The following GLB1L3 variants were observed in gnomAD, a reference collection of about 807,000 sequenced individuals.
The protein encoded by GLB1L3 is galactosidase beta 1 like 3, also known as beta-galactosidase-1-like protein 3.
GLB1L3 carries 89 observed loss-of-function variants against 89.5 expected under a neutral mutation model. The observed-to-expected ratio is 0.99, with a 90% CI of 0.84 to 1.19. GLB1L3 has a LOEUF of 1.19. Among genes scored for constraint, GLB1L3 ranks in the 50% most tolerant of loss-of-function variants. The pLI is 0.00. For synonymous variants in GLB1L3, 314 were observed against 312.3 expected, an observed-to-expected ratio of 1.01 and a Z score of -0.06; for missense variants, 812 against 813.3, an observed-to-expected ratio of 1.00 and a Z score of 0.02.
At chr11:134,292,349 C>T (rs948321302) in intron 8 of GLB1L3, 136 bp downstream of exon 8, 49 of 619,522 alleles carry the variant, frequency 7.9e-5, no homozygotes, top group Admixed American at 5.0e-4. Context: ...TCCTGGAGTT[C>T]GATGTTACAA....
intron 9 of GLB1L3, among the ~76,000 whole-genome samples, chr11:134,303,181 T>A (rs2136184634): frequency 6.6e-6 from 1 of 152,348 alleles, no homozygotes; most frequent in Middle Eastern, 3.4e-3. Flanking sequence ...TATTTGAATG[T>A]GTATCATTTT....
chr11:134,282,597 A>G (rs1239822089), intron 5 of GLB1L3, among the ~76,000 whole-genome samples: 1 of 152,148 alleles, frequency 6.6e-6, no homozygotes, highest in African/African-American at 2.4e-5. Flanking sequence ...TTGCCTTTCC[A>G]TGCAGTGAGA....
chr11:134,318,134 C>T (rs1943058582), intron 18 of GLB1L3, among the ~76,000 whole-genome samples: 5 of 152,126 alleles, frequency 3.3e-5, no homozygotes, highest in Admixed American at 2.6e-4. Flanking sequence ...ATTTCAGAGA[C>T]TCCAATTTTA....
At chr11:134,324,869 TTTA>T in the GLB1L3 span, among the ~76,000 whole-genome samples, 1 of 152,020 alleles carries the variant, frequency 6.6e-6, no homozygotes, top group African/African-American at 2.4e-5. Context: ...TAACATAATC[TTTA>T]TTGTGTTAAT....
chr11:134,309,660 T>C lies in GLB1L3; in HGVS notation c.996T>C (p.Tyr332=). 2 of 1,609,694 alleles carry C rather than the reference T, an allele frequency of 1.2e-6. No homozygotes were observed. The highest frequency in any genetic ancestry group is 1.7e-6 in the Non-Finnish European group (2 of 1,177,156). Residue 332 remains tyrosine (Y), a synonymous_variant, in exon 11 of 20, where the codon TAT becomes TAC. Coordinates refer to ENST00000431683, the MANE Select transcript of GLB1L3 (RefSeq NM_001080407.3). The part of the protein sequence containing the change: ...VEHAVSEFIK[Y]EISFNVYMFH... ...ATGCTGTGTCTGAATTCATCAAATATGAGATCTCCTTCAATGTATATATGT... is the reference window on the plus strand; with the variant it reads ...ATGCTGTGTCTGAATTCATCAAATACGAGATCTCCTTCAATGTATATATGT...
chr11:134,317,668 A>G (rs1004747120), intron 18 of GLB1L3, among the ~76,000 whole-genome samples: 3 of 152,186 alleles, frequency 2.0e-5, no homozygotes, highest in Admixed American at 6.5e-5. Flanking sequence ...TATTATGTCA[A>G]TTAGTTCAAT....
At chr11:134,307,317 C>T (rs967254893) in intron 10 of GLB1L3, 109 bp downstream of exon 10, 5 of 790,242 alleles carry the variant, frequency 6.3e-6, no homozygotes, top group Non-Finnish European at 1.0e-5. Context: ...CGTAGATATT[C>T]ATGCAACTTT....
chr11:134,280,598 A>G (rs1020209833), intron 3 of GLB1L3, among the ~76,000 whole-genome samples: 2 of 152,094 alleles, frequency 1.3e-5, no homozygotes, highest in African/African-American at 4.8e-5. Context: ...GGTCCTCTCT[A>G]ATTCAGTCAG....
chr11:134,291,246 T>C (rs2136143133), intron 7 of GLB1L3, among the ~76,000 whole-genome samples: 1 of 151,542 alleles, frequency 6.6e-6, no homozygotes, highest in South Asian at 2.1e-4. Flanking sequence ...GGCACTTCCA[T>C]GCAACCTATG....
At chr11:134,302,332 A>G (rs1015543693) in intron 9 of GLB1L3, among the ~76,000 whole-genome samples, 1 of 152,286 alleles carries the variant, frequency 6.6e-6, no homozygotes, top group Non-Finnish European at 1.5e-5. Context: ...CTGTGGTTTC[A>G]TTGATTTCTT....
At chr11:134,279,828 A>T (rs547660185) in intron 3 of GLB1L3, among the ~76,000 whole-genome samples, 39 of 152,080 alleles carry the variant, frequency 2.6e-4, no homozygotes, top group African/African-American at 9.2e-4. Flanking sequence ...TAGCTTTGTT[A>T]GTACTCTCTG....
chr11:134,276,384 T>G lies in GLB1L3; in HGVS notation c.-357T>G, dbSNP rs1308775767. The G allele has an allele frequency of 1.7e-5, 4 of 233,386 alleles. No individual in the cohort carries two copies. The highest frequency in any genetic ancestry group is 2.5e-5 in the Non-Finnish European group (3 of 121,442). The allele number at this position is 233,386 out of a possible 1,614,324, so 14.5% of individuals were successfully genotyped here. A position where few individuals can be genotyped will look rare whatever the true frequency, so the allele number is the denominator to read the frequency against. On this transcript the variant is annotated 5_prime_UTR_variant, in exon 1 of 20. Transcript: ENST00000431683. The stretch of plus-strand genomic sequence containing the variant: ...CGCCCCTCTCCCGCGCAGGCCTCCC[T>G]GTGCCAGCCGGCTGTCGACCCAGGT...
At chr11:134,325,251 A>G in the GLB1L3 span, among the ~76,000 whole-genome samples, 1 of 152,220 alleles carries the variant, frequency 6.6e-6, no homozygotes, top group African/African-American at 2.4e-5. Context: ...AAGTGAGTAC[A>G]GTCGTCCTGC....
rs745756364 is a variant in GLB1L3, at chr11:134,312,854, G to A, written c.1467G>A (p.Glu489=). The A allele has an allele frequency of 1.9e-6, 3 of 1,611,972 alleles. No individual in the cohort carries two copies. Among genetic ancestry groups the A allele is most frequent in the Non-Finnish European group, 2.5e-6 (3 of 1,178,812 alleles). The change falls in exon 15 of 20, where the codon GAG becomes GAA. Residue 489 remains glutamate, a synonymous_variant. Transcript: ENST00000431683. The part of the protein sequence containing the change: ...LDETMIGILN[E]NNKDLHIPEL... ...AGACAATGATAGGGATTCTGAATGA[G>A]AATAATAAGGACCTGCACATTCCTG... is the stretch of plus-strand genomic sequence containing the variant.
chr11:134,279,929 C>T (rs1310961185), intron 3 of GLB1L3, among the ~76,000 whole-genome samples: 2 of 151,872 alleles, frequency 1.3e-5, no homozygotes, highest in Non-Finnish European at 2.9e-5. Flanking sequence ...CTTCTCTGTC[C>T]TTCTCAGTTT....
intron 9 of GLB1L3, among the ~76,000 whole-genome samples, chr11:134,297,064 ATTAG>A (rs1319813512): frequency 6.6e-6 from 1 of 151,846 alleles, no homozygotes; most frequent in Non-Finnish European, 1.5e-5. Flanking sequence ...TTTTACGCCT[ATTAG>A]TTTTTGCCTG....
At chr11:134,300,979 C>T (rs1259622503) in intron 9 of GLB1L3, among the ~76,000 whole-genome samples, 1 of 152,226 alleles carries the variant, frequency 6.6e-6, no homozygotes, top group Non-Finnish European at 1.5e-5. Flanking sequence ...AATCTCCCCT[C>T]AGAACAGCTG....
chr11:134,321,697 C>G (rs1488368480), downstream of GLB1L3, among the ~76,000 whole-genome samples: 1 of 152,080 alleles, frequency 6.6e-6, no homozygotes, highest in East Asian at 1.9e-4. Context: ...CATGTTCTCA[C>G]TCATAGGTGG....
chr11:134,321,775 G>C (rs947136592), downstream of GLB1L3, among the ~76,000 whole-genome samples: 1 of 150,236 alleles, frequency 6.7e-6, no homozygotes, highest in African/African-American at 2.5e-5. Context: ...GTCATGGGGT[G>C]GGGGGAGTTG....
Sources: allele counts gnomAD v4.1 joint callset (sites outside exome capture counted in the v4.1 genomes callset), GRCh38; gene constraint gnomAD v4.1.1; transcripts MANE v1.5; gene names NCBI Gene and HGNC (gene_info 2026-07-23, HGNC 2026-07-21).